The following SHC4 variants were observed in gnomAD, a reference collection of about 807,000 sequenced individuals.
SHC4 encodes the protein SHC adaptor protein 4.
A neutral mutation model predicts 69.4 loss-of-function variants in SHC4; 41 were observed. The observed-to-expected ratio is 0.59, with a 90% CI of 0.46 to 0.77. The LOEUF (loss-of-function observed/expected upper bound fraction) is 0.77. Among genes scored for constraint, SHC4 ranks in the 30% least tolerant of loss-of-function variants. SHC4 has a pLI of 0.00. For missense variants in SHC4, 777 were observed against 783.8 expected (o/e 0.99, Z 0.10); for synonymous variants, 318 against 299.3 (o/e 1.06, Z -0.64).
chr15:48,926,506 A>G (rs1171986948), intron 1 of SHC4, among the ~76,000 whole-genome samples: 1 of 150,534 alleles, frequency 6.6e-6, no homozygotes, highest in Non-Finnish European at 1.5e-5. Context: ...TCTGTCACCC[A>G]GGCTGGTGTG....
Position 48,894,124 on chromosome 15 carries a change from TAG to T in SHC4, c.657-3315_657-3314del, listed in dbSNP as rs531062302. Among the ~76,000 whole-genome samples the T allele has an allele frequency of 3.0e-3, 451 of 152,272 alleles. 4 individuals are homozygous for T. The highest frequency in any genetic ancestry group is 0.011 in the African/African-American group (443 of 41,558). Reference sequence around the variant, plus strand: ...AAAATAAATATTGCCACTCGGACTATAGAAATATGAAGAAGTCTATATAAATT... The same window carrying T: ...AAAATAAATATTGCCACTCGGACTATAAATATGAAGAAGTCTATATAAATT... On this transcript the variant is annotated intron_variant, in intron 2 of 11. Transcript: ENST00000332408.
Position 48,825,848 on chromosome 15 carries a change from C to G in SHC4, c.*123G>C. The G allele has an allele frequency of 8.2e-7, 1 of 1,221,114 alleles. No homozygotes were observed. Among genetic ancestry groups the G allele is most frequent in the South Asian group, 1.6e-5 (1 of 63,508 alleles). 75.6% of individuals were successfully genotyped at this position (1,221,114 alleles called of 1,614,324 possible). A position where few individuals can be genotyped will look rare whatever the true frequency, so the allele number is the denominator to read the frequency against. ...TATAGAGGACCTGGTCCATGATGGT[C>G]TTGGAAAGATGCACTTCACAGTTTG... On this transcript the variant is annotated 3_prime_UTR_variant, in exon 12 of 12. Coordinates refer to ENST00000332408, the MANE Select transcript of SHC4 (RefSeq NM_203349.4).
intron 6 of SHC4, among the ~76,000 whole-genome samples, chr15:48,861,085 A>T (rs1390083653): frequency 3.9e-5 from 6 of 152,204 alleles, no homozygotes; most frequent in Non-Finnish European, 8.8e-5. Context: ...TGATGCTATC[A>T]ACATAATTTT....
chr15:48,956,970 C>CTTTTTTTTTTTTTTTTT (rs1234585427), intron 1 of SHC4, among the ~76,000 whole-genome samples: 3 of 70,158 alleles, frequency 4.3e-5, no homozygotes, highest in African/African-American at 5.3e-5. Context: ...TTCTTTCTTT[C>CTTTTTTTTTTTTTTTTT]TTTCTTTTTT....
At chr15:48,876,084 G>A (rs1295372478) in intron 4 of SHC4, among the ~76,000 whole-genome samples, 2 of 152,194 alleles carry the variant, frequency 1.3e-5, no homozygotes, top group African/African-American at 4.8e-5. Context: ...TAGAAAAACA[G>A]TCACCATTGG....
At chr15:48,843,713 A>G in intron 9 of SHC4, 125 bp from the exon 10 acceptor site, 1 of 843,254 alleles carries the variant, frequency 1.2e-6, no homozygotes, top group Non-Finnish European at 1.7e-6. Context: ...ATGATTGAAC[A>G]CTTAACTTTT....
chr15:48,946,838 G>A (rs1901286230), intron 1 of SHC4, among the ~76,000 whole-genome samples: 1 of 152,202 alleles, frequency 6.6e-6, no homozygotes, highest in Non-Finnish European at 1.5e-5. Flanking sequence ...TTGAATAAGA[G>A]TTTCTTTGTT....
At chr15:48,909,886 G>T (rs773431123) in intron 2 of SHC4, among the ~76,000 whole-genome samples, 6 of 152,054 alleles carry the variant, frequency 3.9e-5, no homozygotes, top group Non-Finnish European at 7.4e-5. Context: ...AAACTATCCC[G>T]CATCCCTGGT....
At chr15:48,860,483 G>C (rs1899420480) in intron 6 of SHC4, among the ~76,000 whole-genome samples, 1 of 151,956 alleles carries the variant, frequency 6.6e-6, no homozygotes, top group South Asian at 2.1e-4. Flanking sequence ...CTCCAGTCTG[G>C]GCGACGAGTG....
intron 6 of SHC4, among the ~76,000 whole-genome samples, chr15:48,864,922 A>AC (rs1488525958): frequency 1.4e-4 from 21 of 152,044 alleles, no homozygotes; most frequent in Admixed American, 1.4e-3. Flanking sequence ...CAGCTGTGGG[A>AC]CCCCTACTTC....
intron 6 of SHC4, among the ~76,000 whole-genome samples, chr15:48,863,293 C>T (rs8032465): frequency 0.84 from 128,129 of 151,946 alleles, 54,263 homozygotes; most frequent in East Asian, 1. Flanking sequence ...TTCCTATCTT[C>T]TTATAATGCG....
At chr15:48,836,529 T>G (rs959495351) in intron 10 of SHC4, among the ~76,000 whole-genome samples, 4 of 152,182 alleles carry the variant, frequency 2.6e-5, no homozygotes, top group African/African-American at 9.7e-5. Context: ...AAAATAACCA[T>G]AGAAACTAGA....
chr15:48,901,222 G>T (rs1900313627), intron 2 of SHC4, among the ~76,000 whole-genome samples: 1 of 152,200 alleles, frequency 6.6e-6, no homozygotes, highest in African/African-American at 2.4e-5. Flanking sequence ...GCAGGCTGTT[G>T]TTCTCTGACT....
intron 1 of SHC4, among the ~76,000 whole-genome samples, chr15:48,940,617 T>G (rs1901157377): frequency 1.3e-5 from 2 of 152,172 alleles, no homozygotes; most frequent in South Asian, 2.1e-4. Context: ...AAAGTTGATG[T>G]CCCTAGTAGC....
At chr15:48,902,364 A>G (rs555906888) in intron 2 of SHC4, among the ~76,000 whole-genome samples, 2 of 152,332 alleles carry the variant, frequency 1.3e-5, no homozygotes, top group South Asian at 4.1e-4. Context: ...ATAAGTTTCT[A>G]TAAAGGCAGA....
intron 1 of SHC4, among the ~76,000 whole-genome samples, chr15:48,953,005 T>C (rs1901390357): frequency 6.6e-6 from 1 of 152,132 alleles, no homozygotes; most frequent in Non-Finnish European, 1.5e-5. Flanking sequence ...AGCAAAGACA[T>C]GGAATCAACC....
chr15:48,901,042 C>T (rs904310511), intron 2 of SHC4, among the ~76,000 whole-genome samples: 1 of 152,240 alleles, frequency 6.6e-6, no homozygotes, highest in African/African-American at 2.4e-5. Context: ...AATGGATGTG[C>T]TTGTGTGCCA....
At chr15:48,880,840 A>G (rs959120059) in intron 4 of SHC4, among the ~76,000 whole-genome samples, 17 of 152,164 alleles carry the variant, frequency 1.1e-4, no homozygotes, top group African/African-American at 4.1e-4. Flanking sequence ...CAGACAAACC[A>G]GACTACTTGG....
intron 2 of SHC4, among the ~76,000 whole-genome samples, chr15:48,916,901 A>T (rs1900633369): frequency 6.6e-6 from 1 of 152,238 alleles, no homozygotes; most frequent in Non-Finnish European, 1.5e-5. Flanking sequence ...ACAGAGTGGT[A>T]AGACAGTGAT....
Sources: allele counts gnomAD v4.1 joint callset (sites outside exome capture counted in the v4.1 genomes callset), GRCh38; gene constraint gnomAD v4.1.1; transcripts MANE v1.5; gene names NCBI Gene and HGNC (gene_info 2026-07-23, HGNC 2026-07-21).